Variants in TBC1D22A observed in about 807,000 individuals in gnomAD.
The protein encoded by TBC1D22A is TBC1 domain family member 22A, also known as putative GTPase activator.
TBC1D22A carries 38 observed loss-of-function variants against 60.2 expected under a neutral mutation model. The observed-to-expected ratio is 0.63, with a 90% CI of 0.49 to 0.83. The LOEUF (loss-of-function observed/expected upper bound fraction) is 0.83. TBC1D22A is among the 40% of genes least tolerant of loss of function. The pLI is 0.00. For synonymous variants in TBC1D22A, 302 were observed against 281.7 expected, an observed-to-expected ratio of 1.07 and a Z score of -0.72; for missense variants, 628 against 701.0, an observed-to-expected ratio of 0.90 and a Z score of 1.18.
chr22:46,788,397 T>A (rs1019594683), intron 1 of TBC1D22A, among the ~76,000 whole-genome samples: 3 of 152,256 alleles, frequency 2.0e-5, no homozygotes, highest in South Asian at 2.1e-4. Flanking sequence ...TTATTCTCTA[T>A]GCTTTATTGC....
intron 12 of TBC1D22A, among the ~76,000 whole-genome samples, chr22:47,140,168 T>C (rs967173228): frequency 1.3e-5 from 2 of 151,918 alleles, no homozygotes; most frequent in Admixed American, 6.6e-5. Context: ...TAGAAATCAA[T>C]TGAAAACATC....
intron 11 of TBC1D22A, among the ~76,000 whole-genome samples, chr22:47,059,128 C>T (rs2063488906): frequency 6.6e-6 from 1 of 152,234 alleles, no homozygotes; most frequent in South Asian, 2.1e-4. Context: ...AAGGCTCGGC[C>T]AGGGTAGGTG....
chr22:47,138,130 C>T (rs368684544), intron 12 of TBC1D22A, among the ~76,000 whole-genome samples: 10 of 152,242 alleles, frequency 6.6e-5, no homozygotes, highest in African/African-American at 9.6e-5. Context: ...CCGCAGTCCT[C>T]GTGGGATCGT....
intron 12 of TBC1D22A, among the ~76,000 whole-genome samples, chr22:47,114,217 G>T (rs2065948829): frequency 6.6e-6 from 1 of 151,968 alleles, no homozygotes. Flanking sequence ...GGGAGGACAG[G>T]AGTCAGGCAA....
chr22:46,858,072 G>A (rs1025849671), intron 4 of TBC1D22A, among the ~76,000 whole-genome samples: 2 of 152,162 alleles, frequency 1.3e-5, no homozygotes, highest in African/African-American at 4.8e-5. Context: ...AGCTGCCACA[G>A]CATTTTACCT....
chr22:46,765,746 CG>C (rs2083259444), intron 1 of TBC1D22A, among the ~76,000 whole-genome samples: 1 of 150,310 alleles, frequency 6.7e-6, no homozygotes, highest in South Asian at 2.1e-4. Flanking sequence ...GGATTATAGG[CG>C]TGAGCCTCCA....
intron 1 of TBC1D22A, among the ~76,000 whole-genome samples, chr22:46,767,317 AC>A (rs1262133463): frequency 2.0e-5 from 3 of 152,184 alleles, no homozygotes; most frequent in Non-Finnish European, 4.4e-5. Context: ...TATCTGTAGC[AC>A]AAAGCGGTTG....
chr22:46,941,706 C>T (rs1363693983), intron 8 of TBC1D22A, among the ~76,000 whole-genome samples: 2 of 65,086 alleles, frequency 3.1e-5, no homozygotes, highest in East Asian at 3.1e-4. Flanking sequence ...ATTATATATG[C>T]GGAATATATA....
intron 4 of TBC1D22A, among the ~76,000 whole-genome samples, chr22:46,801,495 A>T (rs1601921067): frequency 6.6e-6 from 1 of 152,264 alleles, no homozygotes; most frequent in East Asian, 1.9e-4. Flanking sequence ...ATAGAACTTA[A>T]TAGCTCATTT....
At chr22:47,125,004 G>T (rs2066405711) in intron 12 of TBC1D22A, among the ~76,000 whole-genome samples, 1 of 152,102 alleles carries the variant, frequency 6.6e-6, no homozygotes, top group Admixed American at 6.5e-5. Context: ...AGGGGCAGGG[G>T]CTTGCAGAGG....
intron 5 of TBC1D22A, among the ~76,000 whole-genome samples, chr22:46,890,328 ACT>A (rs2068332352): frequency 2.0e-5 from 3 of 152,264 alleles, no homozygotes; most frequent in African/African-American, 7.2e-5. Flanking sequence ...ACAGAGTGAG[ACT>A]CTGTCTCAAA....
At position 46,810,745 on chromosome 22, in the gene TBC1D22A, T is replaced by C. The variant is rs138258517; in HGVS notation, c.637+13125T>C. ...TTGGGAGGAGTTTTTTTTAAAACAA[T>C]AATTACATAATTGGCGAGTTCTTAT... On this transcript the variant is annotated intron_variant, in intron 4 of 12. Transcript: ENST00000337137. Among the ~76,000 whole-genome samples the C allele has an allele frequency of 9.2e-5, 14 of 152,320 alleles. No homozygotes were observed. The East Asian group carries it at 2.7e-3, about 29-fold the overall frequency.
At chr22:47,000,269 A>AC (rs2075268802) in intron 10 of TBC1D22A, among the ~76,000 whole-genome samples, 1 of 152,032 alleles carries the variant, frequency 6.6e-6, no homozygotes, top group Non-Finnish European at 1.5e-5. Context: ...GAGCGAGCAG[A>AC]GAGCTGGAGG....
intron 9 of TBC1D22A, among the ~76,000 whole-genome samples, chr22:46,983,695 GTT>G (rs556363610): frequency 0.012 from 1,682 of 142,810 alleles, 38 homozygotes; most frequent in African/African-American, 0.041. Flanking sequence ...AGAAGACCAG[GTT>G]TTTTTTTTTT....
At chr22:47,096,058 C>A (rs1203899637) in intron 11 of TBC1D22A, among the ~76,000 whole-genome samples, 2 of 152,162 alleles carry the variant, frequency 1.3e-5, no homozygotes, top group African/African-American at 2.4e-5. Flanking sequence ...GTTAAATATA[C>A]AGAAACATGT....
chr22:46,948,007 G>A (rs1434487699), intron 8 of TBC1D22A, among the ~76,000 whole-genome samples: 5 of 152,202 alleles, frequency 3.3e-5, no homozygotes, highest in East Asian at 1.9e-4. Context: ...AGAGAAGGAC[G>A]CTCTTTGTAC....
chr22:46,903,991 A>T (rs552266595), intron 7 of TBC1D22A, among the ~76,000 whole-genome samples: 10 of 151,996 alleles, frequency 6.6e-5, no homozygotes, highest in Non-Finnish European at 1.3e-4. Flanking sequence ...TTTAAGTGTC[A>T]CCCTGTAGAC....
intron 12 of TBC1D22A, among the ~76,000 whole-genome samples, chr22:47,114,666 C>T (rs2065967186): frequency 1.3e-5 from 2 of 152,112 alleles, no homozygotes; most frequent in African/African-American, 4.8e-5. Flanking sequence ...AACAGTGGAA[C>T]GTTGGTGGAA....
At chr22:46,774,668 G>A (rs560981334) in intron 1 of TBC1D22A, among the ~76,000 whole-genome samples, 1 of 152,340 alleles carries the variant, frequency 6.6e-6, no homozygotes, top group East Asian at 1.9e-4. Flanking sequence ...CTCTGCTCAA[G>A]GCCCCGAGCT....
Sources: gnomAD v4.1 joint callset for allele counts (sites outside exome capture counted in the v4.1 genomes callset) on GRCh38, gnomAD v4.1.1 for gene constraint, MANE v1.5 for transcripts, NCBI Gene and HGNC (gene_info 2026-07-23, HGNC 2026-07-21) for gene names.